Variants in OSBPL6 observed in about 807,000 individuals in gnomAD.
The protein encoded by OSBPL6 is oxysterol-binding protein-related protein 6.
OSBPL6 carries 49 observed loss-of-function variants against 125.8 expected under a neutral mutation model. The ratio of observed to expected loss-of-function variants is 0.39; its 90% CI spans 0.31 to 0.49. The LOEUF (loss-of-function observed/expected upper bound fraction) is 0.49, where lower values mean the gene tolerates loss of function less well. OSBPL6 is among the 20% of genes least tolerant of loss of function. The probability of loss-of-function intolerance (pLI) is 0.88; values close to 1 mark genes in which losing one functional copy is unlikely to be tolerated. For missense variants in OSBPL6, 986 were observed against 1,135.4 expected (o/e 0.87, Z 1.89); for synonymous variants, 394 against 391.8 (o/e 1.01, Z -0.07).
chr2:178,195,096 G>T (rs2088792356), intron 1 of OSBPL6, among the ~76,000 whole-genome samples: 1 of 152,132 alleles, frequency 6.6e-6, no homozygotes, highest in Admixed American at 6.5e-5. Context: ...GCGGAAAACC[G>T]AACCGGCGCG....
At position 178,401,075 on chromosome 2, in the gene OSBPL6, G is replaced by A. The variant is rs533826332; in HGVS notation, c.*5516G>A. 1 of 152,322 alleles carries A rather than the reference G, an allele frequency of 6.6e-6. No homozygotes were observed. The highest frequency in any genetic ancestry group is 6.5e-5 in the Admixed American group (1 of 15,306). 9.4% of individuals were successfully genotyped at this position (152,322 alleles called of 1,614,324 possible). ...TGTCAAAATGTCCAAGTAAATTAAT[G>A]GATTAATTTCCATGCTTCTGGTGAT... On this transcript the variant is annotated 3_prime_UTR_variant, in exon 25 of 25. Transcript: ENST00000190611.
intron 1 of OSBPL6, among the ~76,000 whole-genome samples, chr2:178,277,070 A>G (rs546064243): frequency 6.6e-6 from 1 of 152,358 alleles, no homozygotes; most frequent in Non-Finnish European, 1.5e-5. Flanking sequence ...AATCTAAAAT[A>G]TTCACTGATC....
intron 12 of OSBPL6, among the ~76,000 whole-genome samples, chr2:178,354,689 G>T (rs1169541062): frequency 6.6e-6 from 1 of 152,068 alleles, no homozygotes; most frequent in Non-Finnish European, 1.5e-5. Context: ...GAGACAGAAG[G>T]TTAACAAGGA....
chr2:178,282,011 A>G (rs1416437597), intron 1 of OSBPL6, among the ~76,000 whole-genome samples: 2 of 152,196 alleles, frequency 1.3e-5, no homozygotes, highest in African/African-American at 4.8e-5. Context: ...CCCGGAGTAC[A>G]CACAGTCTGG....
Position 178,306,184 on chromosome 2 carries a change from G to C in OSBPL6, c.-1G>C. 6.2e-7 allele frequency: 1 copy of C among 1,604,896 alleles called. No homozygotes were observed. The highest frequency in any genetic ancestry group is 8.5e-7 in the Non-Finnish European group (1 of 1,171,772). Reference sequence around the variant, plus strand: ...CATAAAACGAGACTCTAACTGCAGCGATGAGTTCAGATGAGAAGGGCATTT... The same window carrying C: ...CATAAAACGAGACTCTAACTGCAGCCATGAGTTCAGATGAGAAGGGCATTT... On this transcript the variant is annotated 5_prime_UTR_variant, in exon 3 of 25. Transcript: ENST00000190611.
chr2:178,344,712 C>T (rs755238176), intron 11 of OSBPL6, among the ~76,000 whole-genome samples: 2 of 151,602 alleles, frequency 1.3e-5, no homozygotes, highest in Non-Finnish European at 2.9e-5. Flanking sequence ...CTTTTGCTAA[C>T]TGATTTCTCT....
At chr2:178,351,963 A>G (rs1225272002) in intron 12 of OSBPL6, among the ~76,000 whole-genome samples, 3 of 152,198 alleles carry the variant, frequency 2.0e-5, no homozygotes, top group African/African-American at 7.2e-5. Context: ...TATGTAACAA[A>G]CCTTCACATA....
chr2:178,198,959 T>C (rs2089077545), intron 1 of OSBPL6, among the ~76,000 whole-genome samples: 1 of 152,262 alleles, frequency 6.6e-6, no homozygotes, highest in South Asian at 2.1e-4. Context: ...TTCAAATTCA[T>C]CTTTGTCTAA....
intron 9 of OSBPL6, among the ~76,000 whole-genome samples, chr2:178,337,964 C>CTTTTTTTTTTTTTTTTTGTT (rs1689846905): frequency 1.1e-5 from 1 of 91,732 alleles, no homozygotes; most frequent in African/African-American, 3.6e-5. Context: ...TTTTTTGAGA[C>CTTTTTTTTTTTTTTTTTGTT]GGAGTCTTGC....
rs753290100 is a variant in OSBPL6, at chr2:178,382,876, A to C, written c.1622-148A>C. On this transcript the variant is annotated intron_variant, in intron 16 of 24. Coordinates refer to ENST00000190611, the MANE Select transcript of OSBPL6 (RefSeq NM_032523.4). Reference sequence around the variant, plus strand: ...TTTCTGCATTTATTAGCAACCTTGCATTGAAAGAATTCCATTTACTTTTGA... The same window carrying C: ...TTTCTGCATTTATTAGCAACCTTGCCTTGAAAGAATTCCATTTACTTTTGA... 1.8e-4 allele frequency: 250 copies of C among 1,405,930 alleles called. 1 individual carries two copies. Among genetic ancestry groups the C allele is most frequent in the Non-Finnish European group, 3.2e-5 (34 of 1,060,174 alleles). 87.1% of individuals were successfully genotyped at this position (1,405,930 alleles called of 1,614,324 possible). A position where few individuals can be genotyped will look rare whatever the true frequency, so the allele number is the denominator to read the frequency against.
chr2:178,289,372 G>A (rs1685026471), intron 2 of OSBPL6, among the ~76,000 whole-genome samples: 1 of 152,018 alleles, frequency 6.6e-6, no homozygotes, highest in Non-Finnish European at 1.5e-5. Flanking sequence ...TTCAAACTTA[G>A]GCTTTTGTAT....
At chr2:178,357,245 A>G (rs1004024209) in intron 12 of OSBPL6, among the ~76,000 whole-genome samples, 5 of 152,256 alleles carry the variant, frequency 3.3e-5, no homozygotes, top group Admixed American at 2.0e-4. Context: ...AATGGGATCT[A>G]ATGAAACTAA....
chr2:178,293,497 T>G (rs1685467769), intron 2 of OSBPL6, among the ~76,000 whole-genome samples: 3 of 152,154 alleles, frequency 2.0e-5, no homozygotes, highest in Admixed American at 2.0e-4. Flanking sequence ...TTAAAAAATT[T>G]TTATGATTAA....
intron 3 of OSBPL6, 90 bp downstream of exon 3, chr2:178,306,376 T>C: frequency 7.3e-6 from 6 of 826,610 alleles, no homozygotes; most frequent in Non-Finnish European, 1.2e-5. Context: ...TTCTGAAATT[T>C]TGTTGTAAAG....
chr2:178,394,427 A>T lies in OSBPL6; in HGVS notation c.2688A>T (p.Lys896Asn). 6.2e-7 allele frequency: 1 copy of T among 1,607,844 alleles called. No homozygotes were observed. Among genetic ancestry groups the T allele is most frequent in the Non-Finnish European group, 8.5e-7 (1 of 1,178,560 alleles). The change falls in exon 24 of 25, where the codon AAA becomes AAT. Residue 896 changes from lysine to asparagine, a missense_variant. Transcript: ENST00000190611. ...MEENNLEHIPKFFKKVIDANQ... is the reference protein window; with the variant it reads ...MEENNLEHIPNFFKKVIDANQ... ...AAAACAATCTTGAACATATACCAAA[A>T]TTTTTTAAGTAAGTCAGTTAACTCC...
intron 13 of OSBPL6, among the ~76,000 whole-genome samples, chr2:178,364,571 G>C (rs566355092): frequency 1.3e-5 from 2 of 152,270 alleles, no homozygotes; most frequent in Admixed American, 6.5e-5. Context: ...GAGGGACAAG[G>C]ACACAGAGTC....
intron 1 of OSBPL6, among the ~76,000 whole-genome samples, chr2:178,221,498 G>A (rs1247042101): frequency 6.6e-6 from 1 of 152,216 alleles, no homozygotes; most frequent in Non-Finnish European, 1.5e-5. Flanking sequence ...TATTGGAAAT[G>A]TATGTTAAGT....
intron 13 of OSBPL6, among the ~76,000 whole-genome samples, chr2:178,368,355 A>G (rs1383608093): frequency 3.3e-5 from 5 of 152,178 alleles, no homozygotes; most frequent in Admixed American, 6.6e-5. Context: ...GAGTGGGAAC[A>G]GTCTTGATTT....
chr2:178,382,782 T>G, intron 16 of OSBPL6: 1 of 1,422,050 alleles, frequency 7.0e-7, no homozygotes, highest in South Asian at 1.6e-5. Flanking sequence ...TTTTAAAACT[T>G]AGCCTGTCTT....
Sources: gnomAD v4.1 joint callset for allele counts (sites outside exome capture counted in the v4.1 genomes callset) on GRCh38, gnomAD v4.1.1 for gene constraint, MANE v1.5 for transcripts, NCBI Gene and HGNC (gene_info 2026-07-23, HGNC 2026-07-21) for gene names.